Variants in SAPCD2 observed in about 807,000 individuals in gnomAD.
SAPCD2 encodes suppressor APC domain-containing protein 2.
In SAPCD2, 34 loss-of-function variants were observed where a neutral mutation model predicts 37.8. The observed-to-expected ratio is 0.90, with a 90% confidence interval of 0.68 to 1.20. The LOEUF (loss-of-function observed/expected upper bound fraction) is 1.20. SAPCD2 is among the 50% of genes most tolerant of loss of function. The probability of loss-of-function intolerance (pLI) is 0.00; values close to 1 mark genes in which losing one functional copy is unlikely to be tolerated. For missense variants in SAPCD2, 572 were observed against 584.7 expected (o/e 0.98, Z 0.22); for synonymous variants, 275 against 270.3 (o/e 1.02, Z -0.17).
In SAPCD2 at chr9:137,062,378, C is replaced by G. The variant is rs909404687; in HGVS notation, c.*2281G>C. On this transcript the variant is annotated 3_prime_UTR_variant, in exon 6 of 6. Coordinates refer to ENST00000409687, the MANE Select transcript of SAPCD2 (RefSeq NM_178448.4). Reference sequence around the variant, plus strand: ...CAGGCTGCTCTGGAACTCCTGGCCTCAAGTGCTGGGATTCCAGGCGTGAAC... The same window carrying G: ...CAGGCTGCTCTGGAACTCCTGGCCTGAAGTGCTGGGATTCCAGGCGTGAAC... 2.0e-5 allele frequency: 3 copies of G among 151,442 alleles called. No individual in the cohort carries two copies. Among genetic ancestry groups the G allele is most frequent in the African/African-American group, 7.3e-5 (3 of 41,144 alleles). 9.4% of individuals were successfully genotyped at this position (151,442 alleles called of 1,614,324 possible). A position where few individuals can be genotyped will look rare whatever the true frequency, so the allele number is the denominator to read the frequency against.
rs1255293791 is a variant in SAPCD2, at chr9:137,062,145, TCTTTTATTTCTTTAGATATATAAAA to T, written c.*2489_*2513del. ...CTCCTTGTTCATGTTTCCAGAAATCTCTTTTATTTCTTTAGATATATAAAACACTGTTACTTTATATTCTCTCTGA... is the reference window on the plus strand; with the variant it reads ...CTCCTTGTTCATGTTTCCAGAAATCTCACTGTTACTTTATATTCTCTCTGA... On this transcript the variant is annotated 3_prime_UTR_variant, in exon 6 of 6. Coordinates refer to ENST00000409687, the MANE Select transcript of SAPCD2 (RefSeq NM_178448.4). The T allele has an allele frequency of 6.6e-6, 1 of 152,188 alleles. No individual in the cohort carries two copies. Among genetic ancestry groups the T allele is most frequent in the Non-Finnish European group, 1.5e-5 (1 of 68,010 alleles). 9.4% of individuals were successfully genotyped at this position (152,188 alleles called of 1,614,324 possible).
At chr9:137,066,609 C>T (rs774529208) in intron 1 of SAPCD2, among the ~76,000 whole-genome samples, 2 of 152,230 alleles carry the variant, frequency 1.3e-5, no homozygotes, top group Non-Finnish European at 2.9e-5. Context: ...CAAACACACA[C>T]CCTGCCCCCT....
chr9:137,068,586 C>T (rs1310650153), intron 1 of SAPCD2, among the ~76,000 whole-genome samples: 1 of 152,218 alleles, frequency 6.6e-6, no homozygotes, highest in African/African-American at 2.4e-5. Flanking sequence ...GATTTGACAC[C>T]CCAAAAGCCA....
chr9:137,070,409 CG>C lies in SAPCD2; in HGVS notation c.51del (p.Ala18ArgfsTer65). ...AERGRVPPPA[P>X]APSTEGLPRA... ...CGCGGCAGCCCCTCCGTGCTGGGCG[CG>C]GGTGCGGGGGGAGGCACGCGGCCCC... On this transcript the variant is annotated frameshift_variant, in exon 1 of 6. Transcript: ENST00000409687. LOFTEE classifies it high-confidence loss of function. The C allele has an allele frequency of 7.5e-7, 1 of 1,328,146 alleles. No homozygotes were observed. Among genetic ancestry groups the C allele is most frequent in the South Asian group, 2.0e-5 (1 of 50,672 alleles). The allele number at this position is 1,328,146 out of a possible 1,614,324, so 82.3% of individuals were successfully genotyped here.
At position 137,064,491 on chromosome 9, in the gene SAPCD2, G is replaced by A. The variant is rs1367429131; in HGVS notation, c.*168C>T. On this transcript the variant is annotated 3_prime_UTR_variant, in exon 6 of 6. Transcript: ENST00000409687. ...CGCTCGGTGCGGGGACCAGCCGGGG[G>A]CAGGCCTGGGGAGCCCATCTGGCAA... is the stretch of plus-strand genomic sequence containing the variant. 6.8e-6 allele frequency: 5 copies of A among 736,692 alleles called. No homozygotes were observed. The highest frequency in any genetic ancestry group is 3.7e-5 in the South Asian group (2 of 54,092). 45.6% of individuals were successfully genotyped at this position (736,692 alleles called of 1,614,324 possible). A position where few individuals can be genotyped will look rare whatever the true frequency, so the allele number is the denominator to read the frequency against.
Position 137,069,958 on chromosome 9 carries a change from G to C in SAPCD2, c.503C>G (p.Ala168Gly). The C allele has an allele frequency of 8.0e-7, 1 of 1,251,288 alleles. No individual in the cohort carries two copies. Among genetic ancestry groups the C allele is most frequent in the South Asian group, 3.1e-5 (1 of 32,426 alleles). 77.5% of individuals were successfully genotyped at this position (1,251,288 alleles called of 1,614,324 possible). Residue 168 changes from alanine to glycine, a missense_variant, in exon 1 of 6, where the codon GCG becomes GGG. By Grantham distance (60) the Ala-to-Gly change is moderately conservative. Transcript: ENST00000409687. ...CCGCTCGGGCTCCGCGGGGCAGGGCGCCGCCTCAGCCGGGGCGCACAGCTG... is the reference window on the plus strand; with the variant it reads ...CCGCTCGGGCTCCGCGGGGCAGGGCCCCGCCTCAGCCGGGGCGCACAGCTG... ...PEQLCAPAEA[A>G]PCPAEPERSQ... is the part of the protein sequence containing the mutation.
At position 137,069,979 on chromosome 9, in the gene SAPCD2, A is replaced by C. The variant is rs1024771099; in HGVS notation, c.482T>G (p.Leu161Arg). The C allele has an allele frequency of 4.8e-6, 6 of 1,237,686 alleles. No homozygotes were observed. The highest frequency in any genetic ancestry group is 6.1e-6 in the Non-Finnish European group (6 of 991,590). 76.7% of individuals were successfully genotyped at this position (1,237,686 alleles called of 1,614,324 possible). A position where few individuals can be genotyped will look rare whatever the true frequency, so the allele number is the denominator to read the frequency against. Residue 161 changes from leucine to arginine, a missense_variant, in exon 1 of 6, where the codon CTG (leucine) becomes CGG (arginine). Leu to Arg is a moderately radical substitution (Grantham distance 102, BLOSUM62 -2). Coordinates refer to ENST00000409687, the MANE Select transcript of SAPCD2 (RefSeq NM_178448.4). ...PSAAARSPEQ[L>R]CAPAEAAPCP... The stretch of plus-strand genomic sequence containing the variant: ...GGGCGCCGCCTCAGCCGGGGCGCAC[A>C]GCTGCTCCGGGCTGCGGGCGGCGGC...
intron 1 of SAPCD2, among the ~76,000 whole-genome samples, chr9:137,069,426 G>A (rs1403817826): frequency 6.6e-6 from 1 of 152,244 alleles, no homozygotes; most frequent in African/African-American, 2.4e-5. Context: ...TGGGGTCAGT[G>A]GGCCCAGCCC....
intron 1 of SAPCD2, 78 bp downstream of exon 1, chr9:137,069,812 G>T: frequency 2.0e-6 from 2 of 990,502 alleles, no homozygotes; most frequent in Non-Finnish European, 2.6e-6. Context: ...AAATGCACGG[G>T]CAGCAGCTGT....
intron 4 of SAPCD2, 26 bp from the exon 5 acceptor site, chr9:137,065,005 C>T (rs1832523133): frequency 1.3e-6 from 2 of 1,498,372 alleles, no homozygotes; most frequent in Middle Eastern, 1.8e-4. Flanking sequence ...ATTAGGCAGG[C>T]CTGGACGAGG....
chr9:137,064,421 A>G lies in SAPCD2; in HGVS notation c.*238T>C. On this transcript the variant is annotated 3_prime_UTR_variant, in exon 6 of 6. Coordinates refer to ENST00000409687, the MANE Select transcript of SAPCD2 (RefSeq NM_178448.4). ...TAGCTGCGGACTATGCGGACTCAAGAGAGCCCCAGCCCATGTCAGCACCAG... is the reference window on the plus strand; with the variant it reads ...TAGCTGCGGACTATGCGGACTCAAGGGAGCCCCAGCCCATGTCAGCACCAG... 1.7e-6 allele frequency: 1 copy of G among 583,342 alleles called. No individual in the cohort carries two copies. Among genetic ancestry groups the G allele is most frequent in the Admixed American group, 3.0e-5 (1 of 33,236 alleles). 36.1% of individuals were successfully genotyped at this position (583,342 alleles called of 1,614,324 possible).
chr9:137,067,347 TGTG>T (rs2131530359), intron 1 of SAPCD2, among the ~76,000 whole-genome samples: 1 of 151,862 alleles, frequency 6.6e-6, no homozygotes, highest in East Asian at 2.0e-4. Context: ...GGCATGCACC[TGTG>T]GTCCCGGCTA....
At chr9:137,066,696 G>T (rs1017697164) in intron 1 of SAPCD2, among the ~76,000 whole-genome samples, 9 of 152,242 alleles carry the variant, frequency 5.9e-5, no homozygotes, top group African/African-American at 2.2e-4. Flanking sequence ...GAACATGGCA[G>T]GCACACCCTG....
Position 137,065,529 on chromosome 9 carries a change from G to A in SAPCD2, c.824C>T (p.Ala275Val). The A allele has an allele frequency of 6.2e-7, 1 of 1,601,160 alleles. No individual in the cohort carries two copies. Among genetic ancestry groups the A allele is most frequent in the Non-Finnish European group, 8.5e-7 (1 of 1,172,698 alleles). ...CAGGGCTGTGGCACTCACGGCGCTG[G>A]CTCTGCTCTGGCCCAGGCGGCGCTG... ...ERQRRLGQSR[A>V]SADFGAAGSP... is the part of the protein sequence containing the mutation. Residue 275 changes from alanine to valine, a missense_variant, in exon 3 of 6, where the codon GCC becomes GTC. Ala to Val is a moderately conservative substitution (Grantham distance 64). Coordinates refer to ENST00000409687, the MANE Select transcript of SAPCD2 (RefSeq NM_178448.4).
intron 2 of SAPCD2, 93 bp from the exon 3 acceptor site, chr9:137,065,761 C>T (rs1052155658): frequency 4.1e-6 from 6 of 1,447,702 alleles, no homozygotes; most frequent in East Asian, 2.3e-5. Flanking sequence ...GGCACCAGAG[C>T]CACAGACACA....
At chr9:137,068,668 C>T (rs1400296168) in intron 1 of SAPCD2, among the ~76,000 whole-genome samples, 1 of 152,246 alleles carries the variant, frequency 6.6e-6, no homozygotes, top group Non-Finnish European at 1.5e-5. Flanking sequence ...ACAGCTACAG[C>T]CCTAGCCATG....
In SAPCD2 at chr9:137,069,952, C is replaced by A. The variant is rs954600767; in HGVS notation, c.509G>T (p.Cys170Phe). The A allele has an allele frequency of 6.4e-6, 8 of 1,258,714 alleles. No individual in the cohort carries two copies. Among genetic ancestry groups the A allele is most frequent in the African/African-American group, 1.6e-5 (1 of 64,256 alleles). 78.0% of individuals were successfully genotyped at this position (1,258,714 alleles called of 1,614,324 possible). ...QLCAPAEAAPCPAEPERSQSA... is the reference protein window; with the variant it reads ...QLCAPAEAAPFPAEPERSQSA... ...CTGGGACCGCTCGGGCTCCGCGGGG[C>A]AGGGCGCCGCCTCAGCCGGGGCGCA... Residue 170 changes from cysteine to phenylalanine, a missense_variant, in exon 1 of 6, where the codon TGC becomes TTC. Physicochemically the swap from Cys to Phe is radical, Grantham distance 205 (BLOSUM62 -2). Transcript: ENST00000409687.
chr9:137,069,833 T>C, intron 1 of SAPCD2, 57 bp downstream of exon 1: 1 of 1,152,588 alleles, frequency 8.7e-7, no homozygotes, highest in Non-Finnish European at 1.1e-6. Context: ...GGGACTGCGG[T>C]TTCTGGCCCG....
Position 137,064,679 on chromosome 9 carries a change from G to T in SAPCD2, c.1165C>A (p.Leu389Met). ...RALSQQDGGP[L>M]DSTFI ...AAGGACTAGATGAAGGTGGAATCCAGAGGTCCCCCGTCCTGCTGGCTCAGG... is the reference window on the plus strand; with the variant it reads ...AAGGACTAGATGAAGGTGGAATCCATAGGTCCCCCGTCCTGCTGGCTCAGG... The change falls in exon 6 of 6, where the codon CTG becomes ATG. Residue 389 changes from leucine (L) to methionine (M), a missense_variant. Physicochemically the swap from Leu to Met is conservative, Grantham distance 15. Coordinates refer to ENST00000409687, the MANE Select transcript of SAPCD2 (RefSeq NM_178448.4). 1 of 1,597,500 alleles carries T rather than the reference G, an allele frequency of 6.3e-7. No individual in the cohort carries two copies. The highest frequency in any genetic ancestry group is 8.5e-7 in the Non-Finnish European group (1 of 1,173,418).
Sources: gnomAD v4.1 joint callset for allele counts (sites outside exome capture counted in the v4.1 genomes callset) on GRCh38, gnomAD v4.1.1 for gene constraint, MANE v1.5 for transcripts, NCBI Gene and HGNC (gene_info 2026-07-23, HGNC 2026-07-21) for gene names.